Variants in MYO1C observed in about 807,000 individuals in gnomAD.
MYO1C encodes unconventional myosin-Ic.
A neutral mutation model predicts 150.8 loss-of-function variants in MYO1C; 104 were observed. The observed-to-expected ratio is 0.69, with a 90% CI of 0.59 to 0.81. MYO1C has a LOEUF of 0.81. Among genes scored for constraint, MYO1C ranks in the 30% least tolerant of loss-of-function variants. MYO1C has a pLI of 0.00. For missense variants in MYO1C, 1,504 were observed against 1,435.0 expected, an observed-to-expected ratio of 1.05 and a Z score of -0.78; for synonymous variants, 663 against 579.9, an observed-to-expected ratio of 1.14 and a Z score of -2.06.
Position 1,479,690 on chromosome 17 carries a change from C to G in MYO1C, c.922G>C (p.Val308Leu). The change falls in exon 8 of 32, where the codon GTG becomes CTG. Residue 308 changes from valine to leucine, a missense_variant. Val to Leu is a conservative substitution (Grantham distance 32, BLOSUM62 1). Coordinates refer to ENST00000648651, the MANE Select transcript of MYO1C (RefSeq NM_001080779.2). The surrounding 1 kb of genome is among the most constrained non-coding windows in gnomAD (Gnocchi z 4.2). ...TTGCCCAAATGAAGGACGCTGGCCACGATGCTCAGCAGGTCCTGGGGGAGC... is the reference window on the plus strand; with the variant it reads ...TTGCCCAAATGAAGGACGCTGGCCAGGATGCTCAGCAGGTCCTGGGGGAGC... The part of the protein sequence containing the change: ...EDEVEDLLSI[V>L]ASVLHLGNIH... The G allele has an allele frequency of 6.2e-7, 1 of 1,611,520 alleles. No individual in the cohort carries two copies. The highest frequency in any genetic ancestry group is 2.2e-5 in the East Asian group (1 of 44,818).
intron 14 of MYO1C, among the ~76,000 whole-genome samples, chr17:1,476,030 C>T (rs369931537): frequency 1.2e-4 from 18 of 152,268 alleles, no homozygotes; most frequent in Admixed American, 3.9e-4. Flanking sequence ...CTTTGGGCGA[C>T]GGGATCACAG....
chr17:1,489,966 G>A (rs1267644827), intron 1 of MYO1C, among the ~76,000 whole-genome samples: 3 of 150,126 alleles, frequency 2.0e-5, no homozygotes, highest in African/African-American at 7.4e-5. Context: ...CTTGAATCCT[G>A]GAGGAAGAGG....
rs2074504921 is a variant in MYO1C at position 1,480,813 on chromosome 17, C to T, written c.700G>A (p.Glu234Lys). The T allele has an allele frequency of 6.2e-7, 1 of 1,614,168 alleles. No homozygotes were observed. The highest frequency in any genetic ancestry group is 1.3e-5 in the African/African-American group (1 of 75,044). The change falls in exon 6 of 32, where the codon GAG becomes AAG. Residue 234 changes from glutamate (E) to lysine (K), a missense_variant. By Grantham distance (56) the Glu-to-Lys change is moderately conservative. Coordinates refer to ENST00000648651, the MANE Select transcript of MYO1C (RefSeq NM_001080779.2). Reference protein sequence around the residue: ...KSRVVHQNHGERNFHIFYQLL... With the variant: ...KSRVVHQNHGKRNFHIFYQLL... The stretch of plus-strand genomic sequence containing the variant: ...TGGTAGAAGATGTGGAAGTTCCGCT[C>T]CCCATGATTCTGGTGCACCACTCGT...
At chr17:1,485,806 C>G in intron 1 of MYO1C, 1 of 664,068 alleles carries the variant, frequency 1.5e-6, no homozygotes, top group Non-Finnish European at 1.9e-6. Context: ...AGGGCCCGCC[C>G]CCCGCACCGC....
rs745578140 is a variant in MYO1C, at chr17:1,479,672, A to C, written c.940T>G (p.Leu314Val). The C allele has an allele frequency of 6.2e-7, 1 of 1,613,136 alleles. No homozygotes were observed. The highest frequency in any genetic ancestry group is 8.5e-7 in the Non-Finnish European group (1 of 1,179,760). Residue 314 changes from leucine (L) to valine (V), a missense_variant, in exon 8 of 32, where the codon TTG (leucine) becomes GTG (valine). Transcript: ENST00000648651. The surrounding 1 kb of genome is among the most constrained non-coding windows in gnomAD (Gnocchi z 4.2). ...LLSIVASVLH[L>V]GNIHFAANEE... ...TTGGCAGCAAAGTGGATGTTGCCCA[A>C]ATGAAGGACGCTGGCCACGATGCTC...
In MYO1C at chr17:1,479,545, C is replaced by CCCCCCCCCCCCCCCGCCG; in HGVS notation, c.1021-44_1021-43insCGGCGGGGGGGGGGGGGG. ...GGACACGGTGAGGGTGCACCCCCAG[C>CCCCCCCCCCCCCCCGCCG]CCCCGCCCCCGCCGTCCTCCCGTCG... On this transcript the variant is annotated intron_variant, in intron 8 of 31. Coordinates refer to ENST00000648651, the MANE Select transcript of MYO1C (RefSeq NM_001080779.2). The surrounding 1 kb of genome is among the most constrained non-coding windows in gnomAD (Gnocchi z 4.2). 7.6e-7 allele frequency: 1 copy of CCCCCCCCCCCCCCCGCCG among 1,320,346 alleles called. No individual in the cohort carries two copies. The highest frequency in any genetic ancestry group is 1.1e-6 in the Non-Finnish European group (1 of 935,772). The allele number at this position is 1,320,346 out of a possible 1,614,324, so 81.8% of individuals were successfully genotyped here.
At chr17:1,472,467 C>CTCAG in intron 17 of MYO1C, 1 of 551,844 alleles carries the variant, frequency 1.8e-6, no homozygotes, top group Admixed American at 3.1e-5. Flanking sequence ...AAAACTCCTG[C>CTCAG]TCAGGTCTCC....
chr17:1,478,662 G>A lies in MYO1C; in HGVS notation c.1166C>T (p.Thr389Ile), dbSNP rs761976045. 1 of 1,614,198 alleles carries A rather than the reference G, an allele frequency of 6.2e-7. No individual in the cohort carries two copies. Among genetic ancestry groups the A allele is most frequent in the Non-Finnish European group, 8.5e-7 (1 of 1,180,040 alleles). Residue 389 changes from threonine (T) to isoleucine (I), a missense_variant, in exon 10 of 32, where the codon ACT (threonine) becomes ATT (isoleucine). Thr to Ile is a moderately conservative substitution (Grantham distance 89). Coordinates refer to ENST00000648651, the MANE Select transcript of MYO1C (RefSeq NM_001080779.2). This position sits in a 1 kb window ranked among gnomAD's most constrained non-coding sequence, Gnocchi z 6.3. ...DALAKAVYSR[T>I]FTWLVGKINR... ...GATCTTCCCGACGAGCCAGGTAAAA[G>A]TGCGGCTGTACACAGCCTTGGCGAG...
At chr17:1,482,211 T>A (rs2074537409) in intron 5 of MYO1C, among the ~76,000 whole-genome samples, 1 of 152,150 alleles carries the variant, frequency 6.6e-6, no homozygotes, top group African/African-American at 2.4e-5. Context: ...CCTACCCAGC[T>A]GTCAAGCCTT....
At position 1,478,415 on chromosome 17, in the gene MYO1C, A is replaced by G. The variant is rs1284120200; in HGVS notation, c.1290T>C (p.His430=). The change falls in exon 11 of 32, where the codon CAT becomes CAC. Residue 430 remains histidine (H), a synonymous_variant. Transcript: ENST00000648651. This position sits in a 1 kb window ranked among gnomAD's most constrained non-coding sequence, Gnocchi z 6.3. ...GGGGGAAAGATGGCACCGACCTGTTATGCTGAAACACTTCAAAGCCATAAA... is the reference window on the plus strand; with the variant it reads ...GGGGGAAAGATGGCACCGACCTGTTGTGCTGAAACACTTCAAAGCCATAAA... The part of the protein sequence containing the change: ...LDIYGFEVFQ[H]NSFEQFCINY... 5.0e-6 allele frequency: 8 copies of G among 1,614,198 alleles called. No homozygotes were observed. The highest frequency in any genetic ancestry group is 6.8e-6 in the Non-Finnish European group (8 of 1,180,030).
At chr17:1,472,675 G>A (rs972086440) in intron 17 of MYO1C, among the ~76,000 whole-genome samples, 8 of 152,326 alleles carry the variant, frequency 5.3e-5, no homozygotes, top group Non-Finnish European at 8.8e-5. Context: ...CCGGTGTTCC[G>A]AGAGTAGCAG....
At chr17:1,492,347 A>C (rs1287053832) in intron 1 of MYO1C, 66 bp downstream of exon 1, 1 of 1,507,374 alleles carries the variant, frequency 6.6e-7, no homozygotes, top group African/African-American at 1.4e-5. Context: ...GGCTCGCCTG[A>C]GAGGGGCTGC....
Position 1,475,610 on chromosome 17 carries a change from A to G in MYO1C, c.1575-578T>C, listed in dbSNP as rs538146154. On this transcript the variant is annotated intron_variant, in intron 14 of 31. Coordinates refer to ENST00000648651, the MANE Select transcript of MYO1C (RefSeq NM_001080779.2). ...TTCGGCCGCTGCGGGCTCTGCTCAG[A>G]AGGGGTGGTGAGCTGCGCACTACTT... Among the ~76,000 whole-genome samples the G allele has an allele frequency of 2.0e-5, 3 of 152,350 alleles. No homozygotes were observed. In the South Asian group the frequency reaches 6.2e-4, roughly 32 times the overall value.
Position 1,479,773 on chromosome 17 carries a change from G to T in MYO1C, c.907-68C>A. ...GAGAGCCCCAAGAGGGCAACTAGCA[G>T]ATGGCCATGCAGGGGTGGGTGGTGA... On this transcript the variant is annotated intron_variant, in intron 7 of 31. Transcript: ENST00000648651. This position sits in a 1 kb window ranked among gnomAD's most constrained non-coding sequence, Gnocchi z 4.2. The T allele has an allele frequency of 1.8e-6, 2 of 1,123,798 alleles. No individual in the cohort carries two copies. The highest frequency in any genetic ancestry group is 1.3e-5 in the South Asian group (1 of 75,464). 69.6% of individuals were successfully genotyped at this position (1,123,798 alleles called of 1,614,324 possible).
At chr17:1,475,397 A>AT (rs2074384554) in intron 14 of MYO1C, among the ~76,000 whole-genome samples, 1 of 151,780 alleles carries the variant, frequency 6.6e-6, no homozygotes, top group African/African-American at 2.4e-5. Flanking sequence ...CCAAAAAAAA[A>AT]AGAGCAGGTG....
At chr17:1,469,482 G>C in intron 25 of MYO1C, 49 bp downstream of exon 25, 1 of 1,398,744 alleles carries the variant, frequency 7.1e-7, no homozygotes, top group East Asian at 2.6e-5. Flanking sequence ...CAATGCTTGC[G>C]ACTCCCTGAC....
In MYO1C at chr17:1,465,570, C is replaced by T; in HGVS notation, c.*156G>A. 2.4e-6 allele frequency: 2 copies of T among 817,092 alleles called. No homozygotes were observed. Among genetic ancestry groups the T allele is most frequent in the Non-Finnish European group, 3.5e-6 (2 of 573,628 alleles). 50.6% of individuals were successfully genotyped at this position (817,092 alleles called of 1,614,324 possible). On this transcript the variant is annotated 3_prime_UTR_variant, in exon 32 of 32. Transcript: ENST00000648651. ...GGGGTAGCTCCTGGCCCCTGCTGCT[C>T]CCTCAAGAGAGGGATGGGCAGGAGG...
intron 21 of MYO1C, 157 bp from the exon 22 acceptor site, chr17:1,470,846 C>A: frequency 1.5e-6 from 1 of 678,370 alleles, no homozygotes; most frequent in Non-Finnish European, 2.4e-6. Flanking sequence ...GGGGACTGCC[C>A]GGAAAAGGGG....
Position 1,482,918 on chromosome 17 carries a change from G to T in MYO1C, c.489C>A (p.Ala163=). 2 of 1,611,396 alleles carry T rather than the reference G, an allele frequency of 1.2e-6. No individual in the cohort carries two copies. Among genetic ancestry groups the T allele is most frequent in the Non-Finnish European group, 1.7e-6 (2 of 1,179,788 alleles). ...CCCGCACGGCACCTCCGCGCTCGGG[G>T]GCTGGGCAGGTCTCTGCATAGAACT... ...LLQFYAETCP[A]PERGGAVRDR... Residue 163 remains alanine (A), a synonymous_variant, in exon 4 of 32, where the codon GCC becomes GCA. Transcript: ENST00000648651.
Sources: gnomAD v4.1 joint callset for allele counts (sites outside exome capture counted in the v4.1 genomes callset) on GRCh38, gnomAD v4.1.1 for gene constraint, Gnocchi (gnomAD v3.1) non-coding constraint, MANE v1.5 for transcripts, NCBI Gene and HGNC (gene_info 2026-07-23, HGNC 2026-07-21) for gene names.